The following CDH23 variants were observed in gnomAD, a reference collection of about 807,000 sequenced individuals.
The protein encoded by CDH23 is cadherin-23.
Under a neutral mutation model 317.1 loss-of-function variants are expected in CDH23, and 189 were observed. That is an observed-to-expected ratio of 0.60 (90% CI 0.53 to 0.67). The LOEUF is 0.67. Among genes scored for constraint, CDH23 ranks in the 30% least tolerant of loss-of-function variants. The pLI is 0.00. For missense variants in CDH23, 4,401 were observed against 4,592.4 expected (o/e 0.96, Z 1.20); for synonymous variants, 1,839 against 1,876.8 (o/e 0.98, Z 0.52).
At chr10:71,539,086 G>A (rs891361071) in intron 6 of CDH23, among the ~76,000 whole-genome samples, 1 of 152,198 alleles carries the variant, frequency 6.6e-6, no homozygotes, top group African/African-American at 2.4e-5. Context: ...TCCTCACGCT[G>A]TGGCTCTGCC....
intron 22 of CDH23, 131 bp from the exon 23 acceptor site, chr10:71,701,891 G>A (rs980836961): frequency 3.6e-5 from 33 of 916,384 alleles, no homozygotes; most frequent in Middle Eastern, 6.4e-4. Context: ...CAGCGGGGAT[G>A]CCCACTTCCT....
At chr10:71,461,723 G>A (rs971912651) in intron 3 of CDH23, among the ~76,000 whole-genome samples, 4 of 152,156 alleles carry the variant, frequency 2.6e-5, no homozygotes, top group East Asian at 1.9e-4. Flanking sequence ...GGTCCTCATC[G>A]CAACCCCGAA....
intron 22 of CDH23, among the ~76,000 whole-genome samples, chr10:71,696,614 G>A (rs915711668): frequency 6.6e-6 from 1 of 152,236 alleles, no homozygotes; most frequent in African/African-American, 2.4e-5. Context: ...CAGCCAGTCA[G>A]TGAACAATGT....
At position 71,679,802 on chromosome 10, in the gene CDH23, A is replaced by G. The variant is rs572648620; in HGVS notation, c.1858+310A>G. ...GTTCTCTGTTTCTTACCAAGGCTGC[A>G]GGCAGGTCCGTGGGATGGAAGCTCT... On this transcript the variant is annotated intron_variant, in intron 17 of 69. Coordinates refer to ENST00000224721, the MANE Select transcript of CDH23 (RefSeq NM_022124.6). 1.6e-3 allele frequency among the ~76,000 whole-genome samples: 245 copies of G among 152,330 alleles called. 1 individual carries two copies. Among genetic ancestry groups the G allele is most frequent in the African/African-American group, 5.6e-3 (231 of 41,584 alleles).
chr10:71,701,959 G>A, intron 22 of CDH23, 63 bp from the exon 23 acceptor site: 2 of 1,558,802 alleles, frequency 1.3e-6, no homozygotes, highest in Non-Finnish European at 1.8e-6. Context: ...GATACTCCCG[G>A]CCAGCCCAGA....
intron 9 of CDH23, among the ~76,000 whole-genome samples, chr10:71,603,102 G>A (rs977384352): frequency 6.6e-6 from 1 of 152,088 alleles, no homozygotes; most frequent in African/African-American, 2.4e-5. Context: ...CACTTCCCGA[G>A]AAGCTTCATC....
At chr10:71,578,050 G>A in intron 9 of CDH23, 58 bp downstream of exon 9, 1 of 1,499,430 alleles carries the variant, frequency 6.7e-7, no homozygotes, top group Non-Finnish European at 9.1e-7. Context: ...CCCAAGGAGA[G>A]CCAGTAGGCA....
At chr10:71,569,896 A>AT (rs5786043) in intron 7 of CDH23, among the ~76,000 whole-genome samples, 8,763 of 150,652 alleles carry the variant, frequency 0.058, 360 homozygotes, top group Non-Finnish European at 0.085. Flanking sequence ...TTAAAAAAAA[A>AT]TTTTTTTTTT....
At chr10:71,483,584 C>T (rs746911744) in intron 3 of CDH23, among the ~76,000 whole-genome samples, 2 of 152,178 alleles carry the variant, frequency 1.3e-5, no homozygotes, top group African/African-American at 2.4e-5. Flanking sequence ...CGTGCAAGTG[C>T]GTCTTAATCA....
In CDH23 at chr10:71,725,490, C is replaced by T. The variant is rs752279244; in HGVS notation, c.3549C>T (p.His1183=). Residue 1183 remains histidine (H), a synonymous_variant, in exon 30 of 70, where the codon CAC becomes CAT. Coordinates refer to ENST00000224721, the MANE Select transcript of CDH23 (RefSeq NM_022124.6). ...SHVLIVEAYN[H]DLGPMRSSVR... ...TGCTGATAGTGGAGGCCTACAACCA[C>T]GACCTGGGCCCCATGCGGAGCTCCG... is the stretch of plus-strand genomic sequence containing the variant. The T allele has an allele frequency of 8.1e-6, 13 of 1,613,824 alleles. No individual in the cohort carries two copies. The highest frequency in any genetic ancestry group is 4.0e-5 in the African/African-American group (3 of 75,064).
chr10:71,625,499 A>G (rs1250218919), intron 11 of CDH23, among the ~76,000 whole-genome samples: 1 of 149,146 alleles, frequency 6.7e-6, no homozygotes, highest in Non-Finnish European at 1.5e-5. Context: ...TGGAGGTGAG[A>G]AGGGGAGACT....
Position 71,659,868 on chromosome 10 carries a change from G to A in CDH23, c.1449+13251G>A, listed in dbSNP as rs376843022. On this transcript the variant is annotated intron_variant, in intron 14 of 69. Transcript: ENST00000224721. Reference sequence around the variant, plus strand: ...GTATTTCTCTAGTGTTCACTACAGGGAGCAAAGGGATAAAGACCGCGTCCT... The same window carrying A: ...GTATTTCTCTAGTGTTCACTACAGGAAGCAAAGGGATAAAGACCGCGTCCT... Among the ~76,000 whole-genome samples the A allele has an allele frequency of 1.1e-3, 168 of 152,106 alleles. 1 individual carries two copies. Among genetic ancestry groups the A allele is most frequent in the African/African-American group, 3.9e-3 (161 of 41,492 alleles).
chr10:71,730,626 C>T (rs766236437), intron 31 of CDH23, 22 bp downstream of exon 31: 32 of 1,612,940 alleles, frequency 2.0e-5, no homozygotes, highest in Non-Finnish European at 2.6e-5. Flanking sequence ...AGGAGGAAGC[C>T]GGGGATCCCA....
At chr10:71,580,892 G>A (rs1858580985) in intron 9 of CDH23, among the ~76,000 whole-genome samples, 2 of 151,954 alleles carry the variant, frequency 1.3e-5, no homozygotes, top group South Asian at 2.1e-4. Context: ...GGCTGGCACA[G>A]TCTCCCTGAG....
intron 62 of CDH23, among the ~76,000 whole-genome samples, chr10:71,811,081 C>CAAA (rs35466313): frequency 0.082 from 5,507 of 66,944 alleles, 250 homozygotes; most frequent in East Asian, 0.23. Flanking sequence ...GACTCCATCT[C>CAAA]AAAAAAAAAA....
In CDH23 at chr10:71,811,592, T is replaced by G. The variant is rs2133002381; in HGVS notation, c.9278+2T>G. 4 of 1,613,898 alleles carry G rather than the reference T, an allele frequency of 2.5e-6. No homozygotes were observed. Among genetic ancestry groups the G allele is most frequent in the Non-Finnish European group, 3.4e-6 (4 of 1,179,856 alleles). On this transcript the variant is annotated splice_donor_variant, in intron 64 of 69. Coordinates refer to ENST00000224721, the MANE Select transcript of CDH23 (RefSeq NM_022124.6). LOFTEE classifies it high-confidence loss of function. ...CATGAACTGGTACTACAGGACTGTG[T>G]GAGTGTCCCCCACCCCTGCCATCAG...
rs10999978 is a variant in CDH23 at position 71,740,842 on chromosome 10, C to T, written c.4509C>T (p.Gly1503=). The T allele has an allele frequency of 0.019, 30,974 of 1,613,720 alleles. 2,099 individuals are homozygous for T. In the East Asian group the frequency reaches 0.2, roughly 10 times the overall value. The change falls in exon 37 of 70, where the codon GGC becomes GGT. Residue 1503 remains glycine, a synonymous_variant. Coordinates refer to ENST00000224721, the MANE Select transcript of CDH23 (RefSeq NM_022124.6). The part of the protein sequence containing the change: ...YILQVVASDR[G]TPPRKKDHIL... The stretch of plus-strand genomic sequence containing the variant: ...TGCAGGTTGTGGCTTCTGACCGAGG[C>T]ACCCCTCCACGGAAGAAGGACCACA...
In CDH23 at chr10:71,803,391, C is replaced by T. The variant is rs1420518082; in HGVS notation, c.7843C>T (p.Pro2615Ser). The T allele has an allele frequency of 2.5e-6, 4 of 1,597,676 alleles. No homozygotes were observed. The highest frequency in any genetic ancestry group is 1.3e-5 in the African/African-American group (1 of 74,314). Residue 2615 changes from proline (P) to serine (S), a missense_variant, in exon 55 of 70, where the codon CCC becomes TCC. Physicochemically the swap from Pro to Ser is moderately conservative, Grantham distance 74. Transcript: ENST00000224721. Reference protein sequence around the residue: ...NDNRPVFVRPPNGTILHIREE... With the variant: ...NDNRPVFVRPSNGTILHIREE... ...CAACCGCCCTGTCTTTGTGCGCCCACCCAACGGCACCATCCTCCACATCAG... is the reference window on the plus strand; with the variant it reads ...CAACCGCCCTGTCTTTGTGCGCCCATCCAACGGCACCATCCTCCACATCAG...
intron 11 of CDH23, among the ~76,000 whole-genome samples, chr10:71,623,673 G>A (rs1200556931): frequency 3.3e-5 from 5 of 152,218 alleles, no homozygotes; most frequent in African/African-American, 9.6e-5. Context: ...CGGTTTAGCA[G>A]TTTAGCCATT....
Sources: allele counts gnomAD v4.1 joint callset (sites outside exome capture counted in the v4.1 genomes callset), GRCh38; gene constraint gnomAD v4.1.1; transcripts MANE v1.5; gene names NCBI Gene and HGNC (gene_info 2026-07-23, HGNC 2026-07-21).